The following TTC7A variants were observed in gnomAD, a reference collection of about 807,000 sequenced individuals.
TTC7A encodes the protein tetratricopeptide repeat domain 7A.
Under a neutral mutation model 103.7 loss-of-function variants are expected in TTC7A, and 110 were observed. The observed-to-expected ratio is 1.06, with a 90% CI of 0.91 to 1.24. The LOEUF is 1.24. Among genes scored for constraint, TTC7A ranks in the 50% most tolerant of loss-of-function variants. TTC7A has a pLI of 0.00. For missense variants in TTC7A, 1,340 were observed against 1,116.3 expected, an observed-to-expected ratio of 1.20 and a Z score of -2.86; for synonymous variants, 521 against 467.9, an observed-to-expected ratio of 1.11 and a Z score of -1.47.
At chr2:46,919,396 G>A (rs1288109476) in intron 2 of TTC7A, among the ~76,000 whole-genome samples, 1 of 152,142 alleles carries the variant, frequency 6.6e-6, no homozygotes, top group Non-Finnish European at 1.5e-5. Flanking sequence ...AGCTGGGTGT[G>A]GTGACGCATG....
intron 8 of TTC7A, among the ~76,000 whole-genome samples, chr2:47,002,485 C>T (rs900303725): frequency 6.6e-6 from 1 of 152,164 alleles, no homozygotes; most frequent in African/African-American, 2.4e-5. Context: ...GAGGCCACTT[C>T]AATGGTGGAA....
At chr2:46,969,937 C>T (rs549623451) in intron 3 of TTC7A, among the ~76,000 whole-genome samples, 1 of 152,280 alleles carries the variant, frequency 6.6e-6, no homozygotes, top group African/African-American at 2.4e-5. Flanking sequence ...CTGGTTTAGA[C>T]ACAGGGAGGC....
chr2:47,013,933 G>C (rs746210998), intron 11 of TTC7A, among the ~76,000 whole-genome samples: 3 of 152,152 alleles, frequency 2.0e-5, no homozygotes, highest in Admixed American at 1.3e-4. Flanking sequence ...TGGGTGGCCC[G>C]AGAGTGGGCT....
rs1558660524 is a variant in TTC7A, at chr2:47,075,294, T to TAAAA, written c.*1374_*1375insAAAA. ...AAGGATCTCTATGTATGTGTGTATA[T>TAAAA]AAATATAGTTTTTTATCTATATATA... On this transcript the variant is annotated 3_prime_UTR_variant, in exon 20 of 20. Transcript: ENST00000319190. 1.3e-5 allele frequency: 2 copies of TAAAA among 152,210 alleles called. No homozygotes were observed. Among genetic ancestry groups the TAAAA allele is most frequent in the East Asian group, 3.8e-4 (2 of 5,196 alleles). 9.4% of individuals were successfully genotyped at this position (152,210 alleles called of 1,614,324 possible).
chr2:47,036,979 G>A (rs548351913), intron 15 of TTC7A, among the ~76,000 whole-genome samples: 3 of 152,174 alleles, frequency 2.0e-5, no homozygotes, highest in Non-Finnish European at 4.4e-5. Context: ...GAATGGGGGT[G>A]AGGGGCAGGC....
chr2:46,925,639 G>A (rs1349974314), intron 2 of TTC7A, among the ~76,000 whole-genome samples: 1 of 152,088 alleles, frequency 6.6e-6, no homozygotes, highest in Admixed American at 6.6e-5. Context: ...GATGTGAAAA[G>A]GCAATTCACA....
chr2:47,044,677 T>C (rs374399563), intron 15 of TTC7A, among the ~76,000 whole-genome samples: 35 of 152,278 alleles, frequency 2.3e-4, no homozygotes, highest in African/African-American at 8.4e-4. Flanking sequence ...GGAGAGTTGG[T>C]ATCTGGGGGG....
intron 14 of TTC7A, among the ~76,000 whole-genome samples, chr2:47,026,593 C>G (rs1215336263): frequency 6.6e-6 from 1 of 152,188 alleles, no homozygotes; most frequent in East Asian, 1.9e-4. Context: ...GGAACGCTGA[C>G]ATGGAGTCAG....
chr2:47,053,548 TTGG>T (rs757142777), intron 18 of TTC7A, among the ~76,000 whole-genome samples: 13,511 of 143,236 alleles, frequency 0.094, 684 homozygotes, highest in African/African-American at 0.13. Flanking sequence ...GTTTGTTTGG[TTGG>T]TTGGTTGGTT....
At chr2:47,034,606 A>G (rs183617939) in intron 15 of TTC7A, among the ~76,000 whole-genome samples, 1 of 152,128 alleles carries the variant, frequency 6.6e-6, no homozygotes, top group Admixed American at 6.5e-5. Context: ...GAGCTTTCCA[A>G]TAACCAGCCT....
chr2:47,010,188 T>C (rs1205343872), intron 10 of TTC7A, among the ~76,000 whole-genome samples: 1 of 152,174 alleles, frequency 6.6e-6, no homozygotes, highest in Admixed American at 6.5e-5. Flanking sequence ...CTCCAGACTC[T>C]TTTCTGTAAA....
intron 5 of TTC7A, among the ~76,000 whole-genome samples, chr2:46,992,578 G>A (rs1675742885): frequency 2.0e-5 from 3 of 152,258 alleles, no homozygotes; most frequent in Non-Finnish European, 4.4e-5. Context: ...GCCTCAGGAA[G>A]CTACGCTGAG....
intron 2 of TTC7A, among the ~76,000 whole-genome samples, chr2:46,932,243 C>A (rs972810573): frequency 6.6e-6 from 1 of 151,676 alleles, no homozygotes; most frequent in Non-Finnish European, 1.5e-5. Context: ...TCTTCCTCCT[C>A]GGTTCAAGCA....
At chr2:47,013,843 T>C (rs993091692) in intron 11 of TTC7A, among the ~76,000 whole-genome samples, 3 of 152,202 alleles carry the variant, frequency 2.0e-5, no homozygotes, top group African/African-American at 7.2e-5. Context: ...GCTGTTTAAC[T>C]TCAGCTGAGC....
At chr2:46,967,771 A>G (rs1365331554) in intron 3 of TTC7A, among the ~76,000 whole-genome samples, 3 of 152,160 alleles carry the variant, frequency 2.0e-5, no homozygotes, top group African/African-American at 7.2e-5. Context: ...TTTTGGGTAT[A>G]TACCTGGAAG....
chr2:46,969,844 A>G (rs950654315), intron 3 of TTC7A, among the ~76,000 whole-genome samples: 1 of 152,164 alleles, frequency 6.6e-6, no homozygotes, highest in African/African-American at 2.4e-5. Context: ...CTGGGGTGCA[A>G]AGATCAGTCG....
intron 5 of TTC7A, among the ~76,000 whole-genome samples, chr2:46,984,210 A>T (rs1674771476): frequency 6.6e-6 from 1 of 152,256 alleles, no homozygotes; most frequent in Non-Finnish European, 1.5e-5. Context: ...TGGCGGTCTT[A>T]TCTGATAGGC....
intron 14 of TTC7A, among the ~76,000 whole-genome samples, chr2:47,028,715 A>C (rs929126044): frequency 6.6e-6 from 1 of 152,186 alleles, no homozygotes; most frequent in African/African-American, 2.4e-5. Context: ...ATTGAAAACA[A>C]AACACAAGAC....
intron 7 of TTC7A, 45 bp from the exon 8 acceptor site, chr2:46,995,091 G>A (rs1676042542): frequency 6.3e-7 from 1 of 1,597,818 alleles, no homozygotes; most frequent in African/African-American, 1.3e-5. Context: ...GGTGCTGTCT[G>A]GTGAGGTGTG....
Sources: allele counts gnomAD v4.1 joint callset (sites outside exome capture counted in the v4.1 genomes callset), GRCh38; gene constraint gnomAD v4.1.1; transcripts MANE v1.5; gene names NCBI Gene and HGNC (gene_info 2026-07-23, HGNC 2026-07-21).